The following NUDC variants were observed in gnomAD, a reference collection of about 807,000 sequenced individuals.
NUDC encodes nuclear migration protein nudC.
NUDC carries 14 observed loss-of-function variants against 45.0 expected under a neutral mutation model. The observed-to-expected ratio is 0.31, with a 90% confidence interval of 0.21 to 0.49. The LOEUF (loss-of-function observed/expected upper bound fraction) is 0.49, where lower values mean the gene tolerates loss of function less well. Among genes scored for constraint, NUDC ranks in the 20% least tolerant of loss-of-function variants. NUDC has a pLI of 0.99. For synonymous variants in NUDC, 153 were observed against 156.7 expected, an observed-to-expected ratio of 0.98 and a Z score of 0.17; for missense variants, 323 against 426.2, an observed-to-expected ratio of 0.76 and a Z score of 2.13.
At chr1:26,908,583 A>G (rs1241441152) in intron 2 of NUDC, among the ~76,000 whole-genome samples, 1 of 152,114 alleles carries the variant, frequency 6.6e-6, no homozygotes, top group Non-Finnish European at 1.5e-5. Context: ...GTTTTGAGAC[A>G]GGGTCTTGCT....
upstream of NUDC, among the ~76,000 whole-genome samples, chr1:26,918,276 A>ATTTT (rs1237840377): frequency 7.8e-6 from 1 of 128,542 alleles, no homozygotes; most frequent in Admixed American, 8.0e-5. Flanking sequence ...GGTTCAAGTG[A>ATTTT]TTCTTTTTTT....
At chr1:26,937,505 C>T (rs1388600031) in intron 2 of NUDC, among the ~76,000 whole-genome samples, 1 of 152,088 alleles carries the variant, frequency 6.6e-6, no homozygotes, top group East Asian at 1.9e-4. Context: ...TGGTCTTAAC[C>T]TCCTGAGCTC....
intron 2 of NUDC, among the ~76,000 whole-genome samples, chr1:26,908,926 C>T (rs1024475243): frequency 6.6e-6 from 1 of 151,654 alleles, no homozygotes; most frequent in Non-Finnish European, 1.5e-5. Context: ...GGTGTTTCAC[C>T]ATCTTGGCCA....
At chr1:26,945,210 C>T in intron 6 of NUDC, 180 bp from the exon 7 acceptor site, 1 of 649,082 alleles carries the variant, frequency 1.5e-6, no homozygotes, top group Non-Finnish European at 2.8e-6. Context: ...AACTCTTTGC[C>T]TCTGTGTCTC....
rs1369251477 is a variant in NUDC, at chr1:26,905,147, TA to T, written c.-16+2782del. On this transcript the variant is annotated intron_variant, in intron 2 of 6. Coordinates refer to the NUDC transcript ENST00000435827. The stretch of plus-strand genomic sequence containing the variant: ...GCGACTGAGCCTGGCCTATTATTAT[TA>T]TTATTATTATTTTTTTTTTTTTTTT... Among the ~76,000 whole-genome samples the T allele has an allele frequency of 3.0e-5, 4 of 131,890 alleles. No homozygotes were observed. In the East Asian group the frequency reaches 6.3e-4, roughly 21 times the overall value. The allele number at this position is 131,890 out of a possible 152,430, so 86.5% of individuals were successfully genotyped here. A position where few individuals can be genotyped will look rare whatever the true frequency, so the allele number is the denominator to read the frequency against.
intron 2 of NUDC, among the ~76,000 whole-genome samples, chr1:26,936,134 A>AACATATATATATATAT (rs1553163907): frequency 2.9e-4 from 2 of 6,812 alleles, no homozygotes; most frequent in Non-Finnish European, 5.6e-4. Context: ...ACGCCCGGCT[A>AACATATATATATATAT]ATATATATAT....
rs67296768 is a variant in NUDC, at chr1:26,915,058, C to CATATATATATATATATAT, written c.93+3824_93+3841dup. ...ATATATATATACACATACATACATA[C>CATATATATATATATATAT]ATATATATATATATATATGTATATA... On this transcript the variant is annotated intron_variant, in intron 3 of 6. Transcript: ENST00000435827. Among the ~76,000 whole-genome samples, 1,033 of 140,412 alleles carry CATATATATATATATATAT rather than the reference C, an allele frequency of 7.4e-3. 11 individuals are homozygous for CATATATATATATATATAT. Among genetic ancestry groups the CATATATATATATATATAT allele is most frequent in the South Asian group, 0.014 (64 of 4,444 alleles). 92.1% of individuals were successfully genotyped at this position (140,412 alleles called of 152,430 possible).
intron 2 of NUDC, among the ~76,000 whole-genome samples, chr1:26,936,345 A>AGTG (rs2082234210): frequency 2.0e-5 from 3 of 149,520 alleles, no homozygotes; most frequent in Admixed American, 6.7e-5. Context: ...ATGCGCCACC[A>AGTG]CGCCCAGCTA....
Position 26,946,445 on chromosome 1 carries a change from C to G in NUDC, c.*264C>G. ...TGGCCTTTCTCTGGGGCACAGGCCTCTTACGGCTGCTGCTGGGAACTGGGA... is the reference window on the plus strand; with the variant it reads ...TGGCCTTTCTCTGGGGCACAGGCCTGTTACGGCTGCTGCTGGGAACTGGGA... On this transcript the variant is annotated 3_prime_UTR_variant, in exon 9 of 9. Transcript: ENST00000321265. 2.0e-6 allele frequency: 1 copy of G among 506,900 alleles called. No individual in the cohort carries two copies. The highest frequency in any genetic ancestry group is 3.6e-6 in the Non-Finnish European group (1 of 278,696). The allele number at this position is 506,900 out of a possible 1,614,324, so 31.4% of individuals were successfully genotyped here.
At chr1:26,932,782 G>A (rs960946622) in intron 2 of NUDC, among the ~76,000 whole-genome samples, 1 of 152,056 alleles carries the variant, frequency 6.6e-6, no homozygotes, top group African/African-American at 2.4e-5. Context: ...CTGCTGTTCT[G>A]TTTTCTGTGT....
intron 3 of NUDC, among the ~76,000 whole-genome samples, chr1:26,915,080 T>G (rs548949568): frequency 3.3e-5 from 5 of 149,386 alleles, no homozygotes; most frequent in Non-Finnish European, 7.4e-5. Context: ...TATATATGTA[T>G]ATATATGGTT....
chr1:26,932,113 A>T (rs980871291), intron 2 of NUDC, among the ~76,000 whole-genome samples: 1 of 150,834 alleles, frequency 6.6e-6, no homozygotes, highest in Non-Finnish European at 1.5e-5. Flanking sequence ...GGCTCAGGTG[A>T]TCCTCCCACT....
chr1:26,917,031 G>C (rs1374746384), upstream of NUDC, among the ~76,000 whole-genome samples: 1 of 152,066 alleles, frequency 6.6e-6, no homozygotes, highest in Non-Finnish European at 1.5e-5. Context: ...ACCAAGACAG[G>C]CAGATCACCT....
intron 2 of NUDC, among the ~76,000 whole-genome samples, chr1:26,907,540 C>T (rs368042349): frequency 9.3e-5 from 14 of 150,996 alleles, no homozygotes; most frequent in Admixed American, 8.5e-4. Context: ...GCCAGCATCA[C>T]GGGTTCTAGG....
At position 26,942,939 on chromosome 1, in the gene NUDC, G is replaced by T; in HGVS notation, c.615G>T (p.Arg205=). The change falls in exon 6 of 9, where the codon CGG becomes CGT. Residue 205 remains arginine (R), a synonymous_variant. Transcript: ENST00000321265. ...ACATGGTGGTGGACATCCAGCGGCG[G>T]CACCTCCGGGTGGGGCTCAAGGGGC... The part of the protein sequence containing the change: ...GKDMVVDIQR[R]HLRVGLKGQP... The T allele has an allele frequency of 1.2e-6, 2 of 1,614,104 alleles. No homozygotes were observed. The highest frequency in any genetic ancestry group is 1.7e-6 in the Non-Finnish European group (2 of 1,180,026).
At chr1:26,936,132 CTAATATATATATATATATATA>C (rs1370246714) in intron 2 of NUDC, among the ~76,000 whole-genome samples, 1 of 34,694 alleles carries the variant, frequency 2.9e-5, no homozygotes, top group Admixed American at 5.4e-4. Context: ...CCACGCCCGG[CTAATATATATATATATATATA>C]TATATATATA....
chr1:26,911,112 C>A (rs1488940875), intron 2 of NUDC: 2 of 471,080 alleles, frequency 4.2e-6, no homozygotes, highest in Non-Finnish European at 8.8e-6. Context: ...GGACCACTCT[C>A]TTTTGTCATC....
upstream of NUDC, among the ~76,000 whole-genome samples, chr1:26,916,761 G>A (rs1055275210): frequency 1.3e-5 from 2 of 152,086 alleles, no homozygotes; most frequent in Non-Finnish European, 2.9e-5. Flanking sequence ...CTCAAGACCA[G>A]CTTGGAAACA....
chr1:26,942,610 C>T (rs2082287351), intron 4 of NUDC, 50 bp from the exon 5 acceptor site: 3 of 1,612,604 alleles, frequency 1.9e-6, no homozygotes, highest in African/African-American at 1.3e-5. Context: ...AGGGTTCAAT[C>T]TGTGTCTTGT....
Sources: allele counts gnomAD v4.1 joint callset (sites outside exome capture counted in the v4.1 genomes callset), GRCh38; gene constraint gnomAD v4.1.1; transcripts MANE v1.5; gene names NCBI Gene and HGNC (gene_info 2026-07-23, HGNC 2026-07-21).